SPATA6: variants seen among roughly 807,000 people sequenced by gnomAD.
SPATA6 encodes spermatogenesis-associated protein 6.
In SPATA6, 56 loss-of-function variants were observed where a neutral mutation model predicts 65.3. That is an observed-to-expected ratio of 0.86 (90% CI 0.69 to 1.07). The LOEUF is 1.07. SPATA6 is among the 50% of genes least tolerant of loss of function. The probability of loss-of-function intolerance (pLI) is 0.00; values close to 1 mark genes in which losing one functional copy is unlikely to be tolerated. For missense variants in SPATA6, 590 were observed against 594.8 expected (o/e 0.99, Z 0.08); for synonymous variants, 199 against 213.2 (o/e 0.93, Z 0.58).
the SPATA6 span, among the ~76,000 whole-genome samples, chr1:48,278,659 C>G: frequency 6.6e-6 from 1 of 152,146 alleles, no homozygotes; most frequent in Non-Finnish European, 1.5e-5. Flanking sequence ...ATGAACAAAG[C>G]CTCCAAGAAA....
At chr1:48,282,214 C>A in the SPATA6 span, among the ~76,000 whole-genome samples, 1 of 152,126 alleles carries the variant, frequency 6.6e-6, no homozygotes, top group Non-Finnish European at 1.5e-5. Context: ...AACGTTAGAC[C>A]TAAAACCATA....
chr1:48,472,101 G>C lies in SPATA6; in HGVS notation c.-93C>G, dbSNP rs953063557. On this transcript the variant is annotated 5_prime_UTR_variant, in exon 1 of 13. Transcript: ENST00000371847. The stretch of plus-strand genomic sequence containing the variant: ...CTGGGCGGGGACGGGGAGGAGACGA[G>C]GTGGCGGCGGCGGTGGCAGCAGTGG... 1.9e-6 allele frequency: 2 copies of C among 1,045,736 alleles called. No individual in the cohort carries two copies. Among genetic ancestry groups the C allele is most frequent in the African/African-American group, 3.4e-5 (2 of 59,520 alleles). 64.8% of individuals were successfully genotyped at this position (1,045,736 alleles called of 1,614,324 possible).
intron 12 of SPATA6, among the ~76,000 whole-genome samples, chr1:48,305,253 T>C (rs1645033045): frequency 6.6e-6 from 1 of 152,186 alleles, no homozygotes; most frequent in Non-Finnish European, 1.5e-5. Flanking sequence ...TATATTGCAG[T>C]AACTAGTGGT....
chr1:48,261,578 A>G, the SPATA6 span, among the ~76,000 whole-genome samples: 1 of 152,080 alleles, frequency 6.6e-6, no homozygotes, highest in Admixed American at 6.6e-5. Flanking sequence ...GACTTTACCT[A>G]ACTTGAGGTA....
intron 1 of SPATA6, among the ~76,000 whole-genome samples, chr1:48,467,937 T>C (rs969050365): frequency 2.6e-5 from 4 of 152,180 alleles, no homozygotes; most frequent in Non-Finnish European, 5.9e-5. Context: ...TGTACACCGT[T>C]GGTAGAAATG....
chr1:48,280,682 C>G, the SPATA6 span, among the ~76,000 whole-genome samples: 11 of 152,236 alleles, frequency 7.2e-5, no homozygotes, highest in African/African-American at 2.6e-4. Flanking sequence ...AAAATTGTGG[C>G]AATAATCAAT....
intron 3 of SPATA6, among the ~76,000 whole-genome samples, chr1:48,418,544 CAAAAAAAAAAAAAAAAAAAAA>C (rs34415296): frequency 2.2e-4 from 11 of 49,698 alleles, no homozygotes; most frequent in Non-Finnish European, 3.0e-4. Context: ...CCCATCCCTA[CAAAAAAAAAAAAAAAAAAAAA>C]AAAAAAAAAA....
In SPATA6 at chr1:48,384,286, G is replaced by A. The variant is rs895391435; in HGVS notation, c.909+1023C>T. 7.4e-5 allele frequency among the ~76,000 whole-genome samples: 10 copies of A among 134,822 alleles called. 1 individual carries two copies. Among genetic ancestry groups the A allele is most frequent in the Admixed American group, 3.9e-4 (5 of 12,940 alleles). The allele number at this position is 134,822 out of a possible 152,430, so 88.4% of individuals were successfully genotyped here. ...GTTGCAGTGAGCCGAGATGGCAGCA[G>A]TACCGTCCAGCCTTGGCTCGGCATC... On this transcript the variant is annotated intron_variant, in intron 9 of 12. Transcript: ENST00000371847.
intron 11 of SPATA6, chr1:48,326,118 C>T (rs1358601657): frequency 1.3e-5 from 2 of 155,148 alleles, no homozygotes; most frequent in African/African-American, 4.8e-5. Flanking sequence ...CTGTGACTGC[C>T]ACCATCTTGC....
At chr1:48,261,568 G>A in the SPATA6 span, among the ~76,000 whole-genome samples, 3 of 151,738 alleles carry the variant, frequency 2.0e-5, no homozygotes, top group South Asian at 4.1e-4. Flanking sequence ...TTCATCTCTC[G>A]ACTTTACCTA....
intron 3 of SPATA6, among the ~76,000 whole-genome samples, chr1:48,415,259 G>C (rs1339461010): frequency 6.6e-6 from 1 of 152,220 alleles, no homozygotes; most frequent in Non-Finnish European, 1.5e-5. Flanking sequence ...TTGCTGGGCA[G>C]ATGTGCTCAC....
At chr1:48,313,165 T>C (rs7537871) in intron 11 of SPATA6, among the ~76,000 whole-genome samples, 148,826 of 152,276 alleles carry the variant, frequency 0.98, 72,810 homozygotes, top group Non-Finnish European at 1. Context: ...CAATGCAGGC[T>C]GACATTCAAA....
In SPATA6 at chr1:48,347,998, C is replaced by G. The variant is rs148348738; in HGVS notation, c.1194+7672G>C. ...TTAAAAACCCTAGCCTCTGAATTCT[C>G]AGAGAGGCAGATGTGAGAAATACCT... On this transcript the variant is annotated intron_variant, in intron 11 of 12. Coordinates refer to ENST00000371847, the MANE Select transcript of SPATA6 (RefSeq NM_019073.4). 7.9e-3 allele frequency among the ~76,000 whole-genome samples: 1,204 copies of G among 152,110 alleles called. 12 individuals are homozygous for G. The highest frequency in any genetic ancestry group is 0.029 in the South Asian group (140 of 4,824).
chr1:48,374,684 T>C (rs768724395), intron 9 of SPATA6, among the ~76,000 whole-genome samples: 1 of 152,214 alleles, frequency 6.6e-6, no homozygotes, highest in Non-Finnish European at 1.5e-5. Context: ...TCCCTTCTTA[T>C]GACAATAGAT....
chr1:48,431,444 C>T (rs1337029690), intron 3 of SPATA6, among the ~76,000 whole-genome samples: 4 of 152,038 alleles, frequency 2.6e-5, no homozygotes, highest in African/African-American at 4.8e-5. Flanking sequence ...ATTTACCAAA[C>T]ACTCTACCCA....
chr1:48,286,674 T>G, the SPATA6 span, among the ~76,000 whole-genome samples: 2 of 152,252 alleles, frequency 1.3e-5, no homozygotes, highest in South Asian at 2.1e-4. Context: ...CTAGGTAATA[T>G]AGTTTTGTAT....
At chr1:48,402,805 T>C (rs1188295465) in intron 6 of SPATA6, 5 of 152,156 alleles carry the variant, frequency 3.3e-5, no homozygotes, top group African/African-American at 9.7e-5. Flanking sequence ...CCTATCACAA[T>C]GCAACTGCAC....
intron 5 of SPATA6, among the ~76,000 whole-genome samples, chr1:48,410,325 C>T (rs1209312364): frequency 2.0e-5 from 3 of 152,150 alleles, no homozygotes; most frequent in Admixed American, 6.5e-5. Flanking sequence ...AAACAACCTC[C>T]GTCTGGACTT....
At chr1:48,376,297 G>A (rs1193369879) in intron 9 of SPATA6, among the ~76,000 whole-genome samples, 1 of 152,080 alleles carries the variant, frequency 6.6e-6, no homozygotes, top group Non-Finnish European at 1.5e-5. Flanking sequence ...CTTCTGGGAT[G>A]AAAACCACTG....
Sources: allele counts gnomAD v4.1 joint callset (sites outside exome capture counted in the v4.1 genomes callset), GRCh38; gene constraint gnomAD v4.1.1; transcripts MANE v1.5; gene names NCBI Gene and HGNC (gene_info 2026-07-23, HGNC 2026-07-21).